The following TTC23L variants were observed in gnomAD, a reference collection of about 807,000 sequenced individuals.
The protein encoded by TTC23L is tetratricopeptide repeat domain 23 like.
TTC23L carries 42 observed loss-of-function variants against 48.1 expected under a neutral mutation model. The observed-to-expected ratio is 0.87, with a 90% CI of 0.68 to 1.13. The LOEUF (loss-of-function observed/expected upper bound fraction) is 1.13, where lower values mean the gene tolerates loss of function less well. Ranked by LOEUF, TTC23L falls within the 50% of genes most tolerant of loss-of-function variation. The probability of loss-of-function intolerance (pLI) is 0.00; values close to 1 mark genes in which losing one functional copy is unlikely to be tolerated. For missense variants in TTC23L, 391 were observed against 421.0 expected (o/e 0.93, Z 0.62); for synonymous variants, 159 against 157.2 (o/e 1.01, Z -0.09).
intron 1 of TTC23L, 30 bp downstream of exon 1, chr5:34,839,289 G>C (rs1366343853): frequency 6.5e-6 from 1 of 152,712 alleles, no homozygotes; most frequent in Admixed American, 6.5e-5. Flanking sequence ...CCGACGCAGC[G>C]GGAGGAAGCC....
In TTC23L at chr5:34,867,005, A is replaced by G. The variant is rs1431433362; in HGVS notation, c.776A>G (p.Glu259Gly). ...ACGTCAGATCTGATCAGCCTGTACG[A>G]GGAAGCTGCTCAGATAGAGCAGCTG... The change falls in exon 7 of 11, where the codon GAG becomes GGG. Residue 259 changes from glutamate (E) to glycine (G), a missense_variant. Glu to Gly is a moderately conservative substitution (Grantham distance 98). Coordinates refer to ENST00000505624, the Ensembl canonical transcript of TTC23L. The G allele has an allele frequency of 3.7e-6, 6 of 1,612,100 alleles. No individual in the cohort carries two copies. Among genetic ancestry groups the G allele is most frequent in the Non-Finnish European group, 5.1e-6 (6 of 1,179,260 alleles).
At chr5:34,885,024 A>G (rs540032337) in intron 9 of TTC23L, among the ~76,000 whole-genome samples, 1 of 152,352 alleles carries the variant, frequency 6.6e-6, no homozygotes, top group African/African-American at 2.4e-5. Flanking sequence ...GGAGCCAGCA[A>G]TAATACCTCT....
At position 34,869,023 on chromosome 5, in the gene TTC23L, A is replaced by G; in HGVS notation, c.949+10A>G. ...GAGGCCCAGCACAGGGGTAGGTAAA[A>G]GAGGTAGCCTTGAAGTTATTTCCCA... On this transcript the variant is annotated intron_variant, in intron 8 of 10. Transcript: ENST00000505624. The G allele has an allele frequency of 6.3e-7, 1 of 1,589,130 alleles. No individual in the cohort carries two copies. Among genetic ancestry groups the G allele is most frequent in the Non-Finnish European group, 8.6e-7 (1 of 1,165,286 alleles).
chr5:34,915,497 G>C, the TTC23L span: 1 of 444,000 alleles, frequency 2.3e-6, no homozygotes, highest in Non-Finnish European at 4.0e-6. Flanking sequence ...AGGAACCGCG[G>C]AGGAAGTGAA....
At chr5:34,871,468 T>C (rs1761462802) in intron 8 of TTC23L, among the ~76,000 whole-genome samples, 2 of 152,146 alleles carry the variant, frequency 1.3e-5, no homozygotes, top group Non-Finnish European at 2.9e-5. Context: ...AGTAAAGATA[T>C]CAGTCTTCCA....
chr5:34,848,185 A>G (rs556814929), intron 3 of TTC23L, among the ~76,000 whole-genome samples: 4 of 152,232 alleles, frequency 2.6e-5, no homozygotes, highest in Non-Finnish European at 5.9e-5. Context: ...TTGAAGTGCT[A>G]TTTTCACTTA....
chr5:34,845,403 T>G, intron 2 of TTC23L, 84 bp from the exon 3 acceptor site: 1 of 1,376,974 alleles, frequency 7.3e-7, no homozygotes, highest in Non-Finnish European at 9.9e-7. Context: ...TATCCCCTAG[T>G]TGGGAGAGCT....
At chr5:34,884,541 C>T (rs12654205) in intron 9 of TTC23L, among the ~76,000 whole-genome samples, 46,390 of 151,752 alleles carry the variant, frequency 0.31, 8,958 homozygotes, top group Non-Finnish European at 0.43. Context: ...CACACACACA[C>T]ACAAACACAC....
At chr5:34,873,043 A>G (rs968125189) in intron 8 of TTC23L, among the ~76,000 whole-genome samples, 1 of 152,080 alleles carries the variant, frequency 6.6e-6, no homozygotes, top group Non-Finnish European at 1.5e-5. Flanking sequence ...AGCTTGGGTG[A>G]CAGAGGGAGA....
chr5:34,895,934 C>G (rs1763196300), intron 9 of TTC23L, among the ~76,000 whole-genome samples: 2 of 152,186 alleles, frequency 1.3e-5, no homozygotes, highest in Admixed American at 1.3e-4. Context: ...TTCCAACACT[C>G]CATCTACAAA....
At chr5:34,902,426 TTAA>T (rs925433001), downstream of TTC23L, 4 of 392,008 alleles carry the variant, frequency 1.0e-5, no homozygotes, top group African/African-American at 4.1e-5. Flanking sequence ...AAAAAATAAA[TTAA>T]TAATAATACA....
exon 1 of TTC23L, chr5:34,839,229 C>T (rs1007833492): frequency 2.6e-5 from 4 of 152,886 alleles, no homozygotes; most frequent in Admixed American, 6.5e-5. Context: ...GTGCAGCTTT[C>T]GCGAGGCACC....
the TTC23L span, chr5:34,915,553 T>G: frequency 4.6e-6 from 3 of 646,392 alleles, no homozygotes; most frequent in Non-Finnish European, 7.3e-6. Flanking sequence ...TCGGCCACCG[T>G]CACCACAGAG....
At chr5:34,866,746 T>G in intron 6 of TTC23L, 146 bp from the exon 7 acceptor site, 1 of 683,830 alleles carries the variant, frequency 1.5e-6, no homozygotes, top group Non-Finnish European at 2.4e-6. Flanking sequence ...TGGAGTTTAT[T>G]TACAGCAAGG....
In TTC23L at chr5:34,880,171, A is replaced by G. The variant is rs1238372528; in HGVS notation, c.950-10A>G. 3 of 1,601,764 alleles carry G rather than the reference A, an allele frequency of 1.9e-6. No homozygotes were observed. The highest frequency in any genetic ancestry group is 1.3e-5 in the African/African-American group (1 of 74,136). On this transcript the variant is annotated splice_polypyrimidine_tract_variant and intron_variant, in intron 8 of 10. Coordinates refer to ENST00000505624, the Ensembl canonical transcript of TTC23L. Reference sequence around the variant, plus strand: ...CAGCTTGCCTTAAATAATTGTTTCAATTTTTCCAGATGCTGTTGAGATATA... The same window carrying G: ...CAGCTTGCCTTAAATAATTGTTTCAGTTTTTCCAGATGCTGTTGAGATATA...
downstream of TTC23L, among the ~76,000 whole-genome samples, chr5:34,900,582 CAG>C (rs1763483193): frequency 6.6e-6 from 1 of 152,094 alleles, no homozygotes; most frequent in Non-Finnish European, 1.5e-5. Context: ...TGTCTGTTTA[CAG>C]AAAGAATCCT....
At chr5:34,848,085 G>C (rs1759363750) in intron 3 of TTC23L, among the ~76,000 whole-genome samples, 1 of 152,082 alleles carries the variant, frequency 6.6e-6, no homozygotes, top group African/African-American at 2.4e-5. Flanking sequence ...CCTCAGAAAA[G>C]GAAGCTGAGA....
At chr5:34,914,947 C>A in the TTC23L span, 1 of 1,592,344 alleles carries the variant, frequency 6.3e-7, no homozygotes, top group South Asian at 1.1e-5. Context: ...AACTTCTCGG[C>A]GGATCGCCAA....
At chr5:34,844,894 T>G (rs1758983192) in intron 2 of TTC23L, among the ~76,000 whole-genome samples, 1 of 152,248 alleles carries the variant, frequency 6.6e-6, no homozygotes, top group Non-Finnish European at 1.5e-5. Context: ...CCTCTTTTCT[T>G]GGCCACCACA....
Sources: gnomAD v4.1 joint callset for allele counts (sites outside exome capture counted in the v4.1 genomes callset) on GRCh38, gnomAD v4.1.1 for gene constraint, MANE v1.5 for transcripts, NCBI Gene and HGNC (gene_info 2026-07-23, HGNC 2026-07-21) for gene names.